The following KIF21A variants were observed in gnomAD, a reference collection of about 807,000 sequenced individuals.
KIF21A encodes kinesin family member 21A.
In KIF21A, 114 loss-of-function variants were observed where a neutral mutation model predicts 202.9. That is an observed-to-expected ratio of 0.56 (90% CI 0.48 to 0.66). The LOEUF (loss-of-function observed/expected upper bound fraction) is 0.66. KIF21A is among the 30% of genes least tolerant of loss of function. KIF21A has a pLI of 0.00. For synonymous variants in KIF21A, 667 were observed against 670.8 expected, an observed-to-expected ratio of 0.99 and a Z score of 0.09; for missense variants, 1,677 against 1,994.9, an observed-to-expected ratio of 0.84 and a Z score of 3.04.
chr12:39,392,493 A>G (rs1951443348), intron 1 of KIF21A, among the ~76,000 whole-genome samples: 1 of 151,946 alleles, frequency 6.6e-6, no homozygotes, highest in South Asian at 2.1e-4. Context: ...TCACAAGAAC[A>G]TTTTCTTTTA....
chr12:39,335,884 G>A (rs1457247480), intron 17 of KIF21A, among the ~76,000 whole-genome samples: 1 of 152,100 alleles, frequency 6.6e-6, no homozygotes, highest in Non-Finnish European at 1.5e-5. Flanking sequence ...GGAGTCATCT[G>A]GACAAAATAT....
At chr12:39,412,904 TATA>T (rs1953230550) in intron 1 of KIF21A, among the ~76,000 whole-genome samples, 1 of 152,202 alleles carries the variant, frequency 6.6e-6, no homozygotes, top group African/African-American at 2.4e-5. Context: ...TAATAAATGT[TATA>T]CAGTTTACCA....
chr12:39,298,238 A>G (rs1942603842), intron 37 of KIF21A, among the ~76,000 whole-genome samples: 1 of 152,220 alleles, frequency 6.6e-6, no homozygotes, highest in Admixed American at 6.5e-5. Context: ...GAATCACAGG[A>G]GCACTTAGCT....
At chr12:39,397,553 G>A (rs1233456160) in intron 1 of KIF21A, among the ~76,000 whole-genome samples, 4 of 151,920 alleles carry the variant, frequency 2.6e-5, no homozygotes, top group South Asian at 2.1e-4. Flanking sequence ...TCTCTGCAGC[G>A]ACTCCCAAGG....
In KIF21A at chr12:39,337,477, C is replaced by T. The variant is rs1459960328; in HGVS notation, c.2311-274G>A. ...GAAATCTTGATACTTAGCTTACTATCAGTAGCTGTGTGACCTTGATCGAAT... is the reference window on the plus strand; with the variant it reads ...GAAATCTTGATACTTAGCTTACTATTAGTAGCTGTGTGACCTTGATCGAAT... On this transcript the variant is annotated intron_variant, in intron 16 of 37. Coordinates refer to ENST00000361418, the MANE Select transcript of KIF21A (RefSeq NM_001173464.2). 1.5e-5 allele frequency: 6 copies of T among 398,646 alleles called. No individual in the cohort carries two copies. In the East Asian group the frequency reaches 2.7e-4, roughly 18 times the overall value. The allele number at this position is 398,646 out of a possible 1,614,324, so 24.7% of individuals were successfully genotyped here.
chr12:39,309,265 T>C (rs570489260), intron 33 of KIF21A, among the ~76,000 whole-genome samples: 1 of 152,264 alleles, frequency 6.6e-6, no homozygotes, highest in Admixed American at 6.5e-5. Context: ...ATATAAAACA[T>C]TGAACTCTAT....
intron 35 of KIF21A, among the ~76,000 whole-genome samples, chr12:39,304,389 G>A (rs1256671777): frequency 6.6e-6 from 1 of 152,150 alleles, no homozygotes; most frequent in Non-Finnish European, 1.5e-5. Context: ...TTAAACTCTA[G>A]ACTTGAATTT....
chr12:39,378,886 T>C (rs1950430805), intron 1 of KIF21A, among the ~76,000 whole-genome samples: 1 of 152,116 alleles, frequency 6.6e-6, no homozygotes, highest in South Asian at 2.1e-4. Flanking sequence ...TACAGGAAAC[T>C]ATATTTGACC....
chr12:39,442,678 C>G lies in KIF21A; in HGVS notation c.44+249G>C, dbSNP rs1230653134. Among the ~76,000 whole-genome samples the G allele has an allele frequency of 1.3e-5, 2 of 152,152 alleles. No individual in the cohort carries two copies. Among genetic ancestry groups the G allele is most frequent in the Non-Finnish European group, 2.9e-5 (2 of 68,016 alleles). ...GAAGTCAAGACGCCCCCCAGGGACCCGGCGCCGCGCAGCCGCCAGCCACCT... is the reference window on the plus strand; with the variant it reads ...GAAGTCAAGACGCCCCCCAGGGACCGGGCGCCGCGCAGCCGCCAGCCACCT... On this transcript the variant is annotated intron_variant, in intron 1 of 37. Coordinates refer to ENST00000361418, the MANE Select transcript of KIF21A (RefSeq NM_001173464.2). This position sits in a 1 kb window ranked among gnomAD's most constrained non-coding sequence, Gnocchi z 5.0.
At chr12:39,321,653 G>A (rs1203207837) in intron 27 of KIF21A, 2 of 152,192 alleles carry the variant, frequency 1.3e-5, no homozygotes, top group Non-Finnish European at 2.9e-5. Context: ...ATGGGATACT[G>A]AATGGAAAAC....
Position 39,363,022 on chromosome 12 carries a change from C to A in KIF21A, c.1019+76G>T, listed in dbSNP as rs1277640722. ...AGTTTGCTTTGCAATAAAAGTAGTT[C>A]TTATAAATCATCTTACAAGCTTATT... On this transcript the variant is annotated intron_variant, in intron 7 of 37. Transcript: ENST00000361418. The A allele has an allele frequency of 3.1e-6, 3 of 967,736 alleles. No individual in the cohort carries two copies. The Admixed American group carries it at 5.1e-5, about 17-fold the overall frequency. 59.9% of individuals were successfully genotyped at this position (967,736 alleles called of 1,614,324 possible).
At position 39,342,082 on chromosome 12, in the gene KIF21A, C is replaced by G; in HGVS notation, c.1755G>C (p.Lys585Asn). 1.9e-6 allele frequency: 3 copies of G among 1,612,072 alleles called. No homozygotes were observed. Among genetic ancestry groups the G allele is most frequent in the Non-Finnish European group, 2.5e-6 (3 of 1,178,474 alleles). ...KEDNTDTDQE[K>N]KEEKGVSERE... Reference sequence around the variant, plus strand: ...TTTCCGAAACACCCTTTTCTTCTTTCTTCTCTTGGTCAGTGTCTGTATTAT... The same window carrying G: ...TTTCCGAAACACCCTTTTCTTCTTTGTTCTCTTGGTCAGTGTCTGTATTAT... The change falls in exon 13 of 38, where the codon AAG becomes AAC. Residue 585 changes from lysine (K) to asparagine (N), a missense_variant. Lys to Asn is a moderately conservative substitution (Grantham distance 94, BLOSUM62 0). This residue lies in a region of KIF21A where 966 missense variants were observed against 1,180.9 expected (regional missense o/e 0.82). Coordinates refer to ENST00000361418, the MANE Select transcript of KIF21A (RefSeq NM_001173464.2).
chr12:39,315,755 A>T (rs1944466545), intron 30 of KIF21A, 177 bp downstream of exon 30: 1 of 681,940 alleles, frequency 1.5e-6, no homozygotes, highest in East Asian at 2.7e-5. Context: ...TACTTTATCT[A>T]AAAGGTATGA....
At chr12:39,427,346 A>G (rs1479923271) in intron 1 of KIF21A, among the ~76,000 whole-genome samples, 1 of 152,210 alleles carries the variant, frequency 6.6e-6, no homozygotes, top group African/African-American at 2.4e-5. Flanking sequence ...TTACATTTTT[A>G]CTAGCTGTAC....
At chr12:39,441,278 G>T (rs770665019) in intron 1 of KIF21A, among the ~76,000 whole-genome samples, 1 of 151,954 alleles carries the variant, frequency 6.6e-6, no homozygotes, top group African/African-American at 2.4e-5. Flanking sequence ...AAGAAGCATC[G>T]GATTTAACAG....
chr12:39,344,566 C>T (rs1484016383), intron 12 of KIF21A, among the ~76,000 whole-genome samples: 1 of 152,154 alleles, frequency 6.6e-6, no homozygotes, highest in Non-Finnish European at 1.5e-5. Flanking sequence ...CCCAACATAT[C>T]GTTCTACTCC....
At position 39,293,378 on chromosome 12, in the gene KIF21A, C is replaced by T. The variant is rs2136949667; in HGVS notation, c.*1046G>A. ...CTTGCAGAATTTACAAATTAATATT[C>T]TGAGCAGACAGAAATATTATACATC... On this transcript the variant is annotated 3_prime_UTR_variant, in exon 38 of 38. Coordinates refer to ENST00000361418, the MANE Select transcript of KIF21A (RefSeq NM_001173464.2). The T allele has an allele frequency of 6.6e-6, 1 of 152,658 alleles. No homozygotes were observed. The highest frequency in any genetic ancestry group is 1.9e-4 in the East Asian group (1 of 5,186). The allele number at this position is 152,658 out of a possible 1,614,324, so 9.5% of individuals were successfully genotyped here. A position where few individuals can be genotyped will look rare whatever the true frequency, so the allele number is the denominator to read the frequency against.
At chr12:39,425,901 A>G (rs2140286683) in intron 1 of KIF21A, among the ~76,000 whole-genome samples, 1 of 151,538 alleles carries the variant, frequency 6.6e-6, no homozygotes, top group South Asian at 2.1e-4. Flanking sequence ...CTACTCTGAA[A>G]GATACATCTA....
intron 27 of KIF21A, chr12:39,321,387 T>C (rs1945236088): frequency 6.6e-6 from 1 of 152,220 alleles, no homozygotes; most frequent in African/African-American, 2.4e-5. Context: ...GTCTTGAAGT[T>C]CCAAAAGTCT....
Sources: allele counts gnomAD v4.1 joint callset (sites outside exome capture counted in the v4.1 genomes callset), GRCh38; gene constraint gnomAD v4.1.1; regional missense constraint gnomAD v4.1.1; non-coding constraint Gnocchi (gnomAD v3.1); transcripts MANE v1.5; gene names NCBI Gene and HGNC (gene_info 2026-07-23, HGNC 2026-07-21).